DNAH5: variants seen among roughly 807,000 people sequenced by gnomAD.
DNAH5 encodes the protein axonemal beta dynein heavy chain 5.
DNAH5 carries 372 observed loss-of-function variants against 518.2 expected under a neutral mutation model. The observed-to-expected ratio is 0.72, with a 90% CI of 0.66 to 0.78. The LOEUF is 0.78. Among genes scored for constraint, DNAH5 ranks in the 30% least tolerant of loss-of-function variants. DNAH5 has a pLI of 0.00. For synonymous variants in DNAH5, 2,039 were observed against 2,025.9 expected (o/e 1.01, Z -0.17); for missense variants, 5,523 against 5,687.0 (o/e 0.97, Z 0.93).
chr5:13,937,864 T>C (rs1779090331), intron 1 of DNAH5, among the ~76,000 whole-genome samples: 1 of 152,154 alleles, frequency 6.6e-6, no homozygotes, highest in African/African-American at 2.4e-5. Context: ...GTAACAAATA[T>C]AATAGAGAAT....
At chr5:13,883,819 T>C (rs1208371354) in intron 19 of DNAH5, among the ~76,000 whole-genome samples, 3 of 152,130 alleles carry the variant, frequency 2.0e-5, no homozygotes, top group Admixed American at 6.5e-5. Context: ...CTATTCTCCA[T>C]CCTGAATGAA....
chr5:13,941,271 T>G (rs1446163624), intron 1 of DNAH5, among the ~76,000 whole-genome samples: 1 of 152,140 alleles, frequency 6.6e-6, no homozygotes, highest in Non-Finnish European at 1.5e-5. Context: ...GGTGGAAGGA[T>G]TGGTTGAGCC....
chr5:13,968,791 G>A lies in DNAH5; in HGVS notation c.13-37547C>T, dbSNP rs74411301. Reference sequence around the variant, plus strand: ...TGTAGTTTTCTTTCTTTGTTATGTCGTGTCCTGGTTTTGGTATTAGGCTGA... The same window carrying A: ...TGTAGTTTTCTTTCTTTGTTATGTCATGTCCTGGTTTTGGTATTAGGCTGA... On this transcript the variant is annotated intron_variant, in intron 1 of 78. Coordinates refer to the DNAH5 transcript ENST00000681290. 1.3e-4 allele frequency among the ~76,000 whole-genome samples: 20 copies of A among 152,104 alleles called. 1 individual carries two copies. The East Asian group carries it at 2.5e-3, about 19-fold the overall frequency.
intron 41 of DNAH5, 71 bp from the exon 42 acceptor site, chr5:13,817,765 A>G: frequency 6.7e-7 from 1 of 1,489,106 alleles, no homozygotes; most frequent in Non-Finnish European, 9.4e-7. Context: ...ACATTGCACT[A>G]ATTTGTGGTG....
At chr5:13,921,454 C>CTCTG (rs1777254649) in intron 5 of DNAH5, among the ~76,000 whole-genome samples, 1 of 144,520 alleles carries the variant, frequency 6.9e-6, no homozygotes, top group Non-Finnish European at 1.5e-5. Flanking sequence ...CTCTCTCTCT[C>CTCTG]TCTCTTGCTC....
At chr5:13,972,344 GA>G (rs1026525691) in intron 1 of DNAH5, among the ~76,000 whole-genome samples, 22 of 152,130 alleles carry the variant, frequency 1.4e-4, no homozygotes, top group Admixed American at 1.4e-3. Context: ...CCTTCCCCGG[GA>G]TTCTGTCCAG....
intron 47 of DNAH5, among the ~76,000 whole-genome samples, chr5:13,802,443 A>G (rs138221050): frequency 6.6e-6 from 1 of 152,316 alleles, no homozygotes; most frequent in African/African-American, 2.4e-5. Context: ...TAATATAAAT[A>G]ATAAACTCCC....
chr5:13,916,724 T>C (rs987664859), intron 8 of DNAH5, among the ~76,000 whole-genome samples: 2 of 152,070 alleles, frequency 1.3e-5, no homozygotes, highest in African/African-American at 4.8e-5. Flanking sequence ...TTATTAAGGA[T>C]AAACTGTTAA....
intron 75 of DNAH5, among the ~76,000 whole-genome samples, chr5:13,713,924 A>G (rs1464528763): frequency 6.6e-6 from 1 of 152,222 alleles, no homozygotes; most frequent in Admixed American, 6.5e-5. Context: ...AACTACTTAC[A>G]TACTAAAAAT....
intron 31 of DNAH5, among the ~76,000 whole-genome samples, chr5:13,846,478 T>C (rs1325375069): frequency 6.6e-6 from 1 of 152,138 alleles, no homozygotes; most frequent in Admixed American, 6.5e-5. Context: ...TCCCAGGGCA[T>C]GCGTGCGGAG....
intron 1 of DNAH5, among the ~76,000 whole-genome samples, chr5:13,985,234 C>T (rs1782954236): frequency 7.2e-6 from 1 of 139,788 alleles, no homozygotes; most frequent in African/African-American, 2.7e-5. Flanking sequence ...ACAACGAGAA[C>T]ACTTGGACAC....
Position 13,830,010 on chromosome 5 carries a change from T to A in DNAH5, c.6249+16A>T. On this transcript the variant is annotated intron_variant, in intron 37 of 78. Coordinates refer to ENST00000265104, the MANE Select transcript of DNAH5 (RefSeq NM_001369.3). ...AAGAAGGCTGAAATTCAGTAGCTTT[T>A]CTAGCAGCTCCTTACCATGGTTAAG... is the stretch of plus-strand genomic sequence containing the variant. 6.2e-7 allele frequency: 1 copy of A among 1,608,260 alleles called. No individual in the cohort carries two copies. The highest frequency in any genetic ancestry group is 8.5e-7 in the Non-Finnish European group (1 of 1,176,256).
upstream of DNAH5, among the ~76,000 whole-genome samples, chr5:13,946,674 C>T (rs560713964): frequency 1.5e-3 from 235 of 152,290 alleles, 2 homozygotes; most frequent in African/African-American, 4.8e-3. Context: ...CCCGTCTGTG[C>T]GGATAGTACA....
At chr5:13,778,596 A>AAGAAAGAAAGAAAGAGGG (rs768853052) in intron 53 of DNAH5, among the ~76,000 whole-genome samples, 1 of 102,152 alleles carries the variant, frequency 9.8e-6, no homozygotes, top group Admixed American at 1.1e-4. Context: ...GAAAGAAAGA[A>AAGAAAGAAAGAAAGAGGG]AGAGAGAGAG....
intron 38 of DNAH5, among the ~76,000 whole-genome samples, chr5:13,825,346 A>AAATAAATAAATAAATAAATAAATAAAT (rs1762759354): frequency 8.0e-5 from 12 of 150,508 alleles, no homozygotes; most frequent in African/African-American, 2.9e-4. Flanking sequence ...TGTCTTGCAA[A>AAATAAATAAATAAATAAATAAATAAAT]AAATAAATAA....
chr5:13,889,922 G>A (rs970476190), intron 17 of DNAH5, among the ~76,000 whole-genome samples: 3 of 152,160 alleles, frequency 2.0e-5, no homozygotes, highest in Non-Finnish European at 4.4e-5. Flanking sequence ...TGGAGACCCC[G>A]GCACATCATA....
intron 78 of DNAH5, among the ~76,000 whole-genome samples, chr5:13,692,702 C>A (rs923522964): frequency 1.3e-5 from 2 of 152,172 alleles, no homozygotes; most frequent in African/African-American, 4.8e-5. Context: ...CCCAATTCAC[C>A]TCCCTGAGAC....
At chr5:13,889,921 C>T (rs1025191855) in intron 17 of DNAH5, among the ~76,000 whole-genome samples, 4 of 152,062 alleles carry the variant, frequency 2.6e-5, no homozygotes, top group African/African-American at 4.8e-5. Flanking sequence ...TTGGAGACCC[C>T]GGCACATCAT....
chr5:13,704,279 ACACACTCTCTTCTGCTCC>A (rs369796916), intron 76 of DNAH5, among the ~76,000 whole-genome samples: 4,843 of 151,994 alleles, frequency 0.032, 233 homozygotes, highest in African/African-American at 0.1. Context: ...GAAAGGGACC[ACACACTCTCTTCTGCTCC>A]CACACTCTCT....
Sources: allele counts gnomAD v4.1 joint callset (sites outside exome capture counted in the v4.1 genomes callset), GRCh38; gene constraint gnomAD v4.1.1; transcripts MANE v1.5; gene names NCBI Gene and HGNC (gene_info 2026-07-23, HGNC 2026-07-21).